Variants in WWC1 observed in about 807,000 individuals in gnomAD.
WWC1 encodes the protein WW and C2 domain containing 1.
WWC1 carries 55 observed loss-of-function variants against 138.4 expected under a neutral mutation model. That is an observed-to-expected ratio of 0.40 (90% CI 0.32 to 0.50). The LOEUF is 0.50. Ranked by LOEUF, WWC1 falls within the 20% of genes least tolerant of loss-of-function variation. The pLI is 0.72. For missense variants in WWC1, 1,226 were observed against 1,420.4 expected, an observed-to-expected ratio of 0.86 and a Z score of 2.20; for synonymous variants, 524 against 564.9, an observed-to-expected ratio of 0.93 and a Z score of 1.03.
chr5:168,335,268 G>C (rs1186596535), intron 1 of WWC1, among the ~76,000 whole-genome samples: 1 of 152,182 alleles, frequency 6.6e-6, no homozygotes, highest in East Asian at 1.9e-4. Context: ...GGTGCTAGCA[G>C]AGACATCCCA....
rs573452899 is a variant in WWC1, at chr5:168,346,945, AG to A, written c.120-24476del. ...TTTCTGAGGGTCTCTTGAGGGTCTT[AG>A]GGTCTTGCTCATGCAGGGCAGGAAG... On this transcript the variant is annotated intron_variant, in intron 1 of 22. Transcript: ENST00000265293. 5.9e-4 allele frequency among the ~76,000 whole-genome samples: 90 copies of A among 152,216 alleles called. 1 individual carries two copies. The highest frequency in any genetic ancestry group is 4.9e-4 in the Non-Finnish European group (33 of 68,012).
chr5:168,334,057 A>G (rs1773254908), intron 1 of WWC1, among the ~76,000 whole-genome samples: 1 of 127,066 alleles, frequency 7.9e-6, no homozygotes, highest in African/African-American at 4.8e-5. Flanking sequence ...CCCTACTGAA[A>G]AAAAAAAAAA....
chr5:168,329,974 G>T (rs926417430), intron 1 of WWC1, among the ~76,000 whole-genome samples: 5 of 152,074 alleles, frequency 3.3e-5, no homozygotes, highest in Non-Finnish European at 4.4e-5. Context: ...GCCGGGCGTG[G>T]TGGCAGGCGT....
At chr5:168,347,470 C>T (rs1174181070) in intron 1 of WWC1, among the ~76,000 whole-genome samples, 2 of 152,206 alleles carry the variant, frequency 1.3e-5, no homozygotes, top group Admixed American at 6.5e-5. Context: ...TTGGACCTTT[C>T]GTTGAGATGC....
rs377684705 is a variant in WWC1 at position 168,426,652 on chromosome 5, G to A, written c.1811-1381G>A. On this transcript the variant is annotated intron_variant, in intron 11 of 22. Coordinates refer to ENST00000265293, the MANE Select transcript of WWC1 (RefSeq NM_015238.3). ...GTGGGTCTGAAAGCAGGAGGTCTCC[G>A]CGGGCTCAGCAGGCATGGGACGCAG... is the stretch of plus-strand genomic sequence containing the variant. 1.2e-4 allele frequency among the ~76,000 whole-genome samples: 18 copies of A among 152,344 alleles called. No individual in the cohort carries two copies. The East Asian group carries it at 1.9e-3, about 16-fold the overall frequency.
At chr5:168,339,833 T>TC (rs879455950) in intron 1 of WWC1, among the ~76,000 whole-genome samples, 357 of 25,124 alleles carry the variant, frequency 0.014, 7 homozygotes, top group African/African-American at 0.034. Flanking sequence ...TTTCTTTCTT[T>TC]TTCTTTTCTT....
chr5:168,356,454 T>C (rs1385308119), intron 1 of WWC1, among the ~76,000 whole-genome samples: 3 of 152,226 alleles, frequency 2.0e-5, no homozygotes, highest in African/African-American at 7.2e-5. Context: ...AAAGGTGTCA[T>C]ACATCGGTGT....
At chr5:168,337,764 T>C (rs1773620251) in intron 1 of WWC1, among the ~76,000 whole-genome samples, 1 of 152,122 alleles carries the variant, frequency 6.6e-6, no homozygotes, top group South Asian at 2.1e-4. Context: ...AATAAAATGG[T>C]GCCATGGTGG....
At chr5:168,348,147 G>A (rs1409897969) in intron 1 of WWC1, among the ~76,000 whole-genome samples, 1 of 152,208 alleles carries the variant, frequency 6.6e-6, no homozygotes, top group African/African-American at 2.4e-5. Flanking sequence ...TGGGGGATGT[G>A]ATGTGCACCG....
chr5:168,446,623 C>T (rs567961211), intron 17 of WWC1, among the ~76,000 whole-genome samples: 15 of 152,184 alleles, frequency 9.9e-5, no homozygotes, highest in Admixed American at 2.0e-4. Flanking sequence ...CAGAATGTGA[C>T]GAGCACCACA....
intron 21 of WWC1, among the ~76,000 whole-genome samples, chr5:168,466,141 C>T (rs72830949): frequency 0.11 from 16,542 of 151,974 alleles, 1,224 homozygotes; most frequent in Non-Finnish European, 0.16. Flanking sequence ...GTATGCAAAA[C>T]AGGAAGGTTG....
intron 9 of WWC1, chr5:168,415,431 A>G (rs181293316): frequency 6.6e-6 from 1 of 152,166 alleles, no homozygotes; most frequent in East Asian, 1.9e-4. Flanking sequence ...TTTAATTTAG[A>G]CCTTATTATA....
chr5:168,385,782 A>G (rs1445229990), intron 3 of WWC1, among the ~76,000 whole-genome samples: 2 of 152,222 alleles, frequency 1.3e-5, no homozygotes, highest in Non-Finnish European at 2.9e-5. Context: ...ACAACAGTGT[A>G]AATGTACTTA....
intron 1 of WWC1, among the ~76,000 whole-genome samples, chr5:168,321,919 G>A (rs1772150458): frequency 6.6e-6 from 1 of 152,176 alleles, no homozygotes; most frequent in Admixed American, 6.5e-5. Context: ...GTCAGCTCAG[G>A]AGGTTTTTCT....
At chr5:168,314,338 C>A (rs960258701) in intron 1 of WWC1, among the ~76,000 whole-genome samples, 1 of 152,024 alleles carries the variant, frequency 6.6e-6, no homozygotes, top group Non-Finnish European at 1.5e-5. Context: ...GAGGCTGAGG[C>A]GGGTGGATCA....
Position 168,370,560 on chromosome 5 carries a change from G to A in WWC1, c.120-864G>A, listed in dbSNP as rs1225416042. ...TGTAGAATATGTATTTTAGGCAGAG[G>A]CAGTGATGGGAAGAAACCAAAGTGA... On this transcript the variant is annotated intron_variant, in intron 1 of 22. Coordinates refer to ENST00000265293, the MANE Select transcript of WWC1 (RefSeq NM_015238.3). Among the ~76,000 whole-genome samples, 4 of 152,140 alleles carry A rather than the reference G, an allele frequency of 2.6e-5. No individual in the cohort carries two copies. In the East Asian group the frequency reaches 7.7e-4, roughly 29 times the overall value.
chr5:168,306,897 A>G (rs1862353), intron 1 of WWC1, among the ~76,000 whole-genome samples: 98,474 of 152,172 alleles, frequency 0.65, 32,119 homozygotes, highest in Middle Eastern at 0.76. Context: ...ACGCCCAGCC[A>G]GTCTAAGCTA....
Position 168,464,960 on chromosome 5 carries a change from C to G in WWC1, c.3148C>G (p.Arg1050Gly). The change falls in exon 21 of 23, where the codon CGG becomes GGG. Residue 1050 changes from arginine (R) to glycine (G), a missense_variant and splice_region_variant. Arg to Gly is a moderately radical substitution (Grantham distance 125). Coordinates refer to ENST00000265293, the MANE Select transcript of WWC1 (RefSeq NM_015238.3). ...CCTGCTGCTGAGGATGCTGGAGAAG[C>G]GGGTGAGTTCTGCCTCGAAGGCAGG... ...FRLLLRMLEK[R>G]QMDRAEHKGE... is the part of the protein sequence containing the mutation. 1 of 1,613,646 alleles carries G rather than the reference C, an allele frequency of 6.2e-7. No individual in the cohort carries two copies.
intron 15 of WWC1, among the ~76,000 whole-genome samples, chr5:168,431,667 T>C (rs1177400549): frequency 6.6e-6 from 1 of 152,120 alleles, no homozygotes; most frequent in Admixed American, 6.6e-5. Flanking sequence ...GGGAAGGAGC[T>C]CTTTCACAAG....
Sources: gnomAD v4.1 joint callset for allele counts (sites outside exome capture counted in the v4.1 genomes callset) on GRCh38, gnomAD v4.1.1 for gene constraint, MANE v1.5 for transcripts, NCBI Gene and HGNC (gene_info 2026-07-23, HGNC 2026-07-21) for gene names.